EXOC6B: variants seen among roughly 807,000 people sequenced by gnomAD.
EXOC6B encodes the protein exocyst complex component 6B.
A neutral mutation model predicts 113.5 loss-of-function variants in EXOC6B; 54 were observed. That is an observed-to-expected ratio of 0.48 (90% CI 0.38 to 0.60). The LOEUF (loss-of-function observed/expected upper bound fraction) is 0.60. Among genes scored for constraint, EXOC6B ranks in the 20% least tolerant of loss-of-function variants. The probability of loss-of-function intolerance (pLI) is 0.00; values close to 1 mark genes in which losing one functional copy is unlikely to be tolerated. For missense variants in EXOC6B, 797 were observed against 977.5 expected (o/e 0.82, Z 2.46); for synonymous variants, 357 against 339.0 (o/e 1.05, Z -0.58).
intron 18 of EXOC6B, among the ~76,000 whole-genome samples, chr2:72,452,427 T>C (rs746083326): frequency 1.1e-4 from 16 of 152,164 alleles, no homozygotes; most frequent in Non-Finnish European, 1.6e-4. Context: ...TAAGATCATA[T>C]ATCCAAAGTT....
chr2:72,228,484 T>A (rs2104456122), intron 20 of EXOC6B, among the ~76,000 whole-genome samples: 1 of 147,972 alleles, frequency 6.8e-6, no homozygotes, highest in Admixed American at 6.7e-5. Context: ...GTTCTCATTG[T>A]TCAATTCCCA....
intron 6 of EXOC6B, among the ~76,000 whole-genome samples, chr2:72,658,709 G>A (rs1157314739): frequency 6.6e-6 from 1 of 151,978 alleles, no homozygotes; most frequent in African/African-American, 2.4e-5. Context: ...TACTTCTATT[G>A]AGAGTTAGTA....
intron 20 of EXOC6B, among the ~76,000 whole-genome samples, 177 bp from the exon 21 acceptor site, chr2:72,184,364 A>G (rs62150120): frequency 0.078 from 11,853 of 152,252 alleles, 645 homozygotes; most frequent in African/African-American, 0.16. Context: ...TAAGTGAGTA[A>G]ACATTAGATG....
chr2:72,285,664 C>G (rs1685383082), intron 20 of EXOC6B, among the ~76,000 whole-genome samples: 1 of 151,984 alleles, frequency 6.6e-6, no homozygotes, highest in African/African-American at 2.4e-5. Context: ...TTAAAAATTT[C>G]TGCTCTGCAA....
At chr2:72,788,032 A>C (rs995276159) in intron 1 of EXOC6B, among the ~76,000 whole-genome samples, 19 of 152,184 alleles carry the variant, frequency 1.2e-4, no homozygotes, top group Admixed American at 1.2e-3. Flanking sequence ...GGGATGAGAT[A>C]ATGCCTACCT....
chr2:72,515,531 A>G (rs1003506211), intron 8 of EXOC6B: 2 of 1,017,172 alleles, frequency 2.0e-6, no homozygotes, highest in African/African-American at 3.5e-5. Flanking sequence ...ATGAATCATG[A>G]ACAAAGGGGC....
chr2:72,485,183 T>C (rs1434597069), intron 16 of EXOC6B, among the ~76,000 whole-genome samples: 1 of 152,216 alleles, frequency 6.6e-6, no homozygotes, highest in Non-Finnish European at 1.5e-5. Flanking sequence ...CATTCTATTC[T>C]TGACAAACCC....
intron 18 of EXOC6B, among the ~76,000 whole-genome samples, chr2:72,427,203 G>A (rs929520067): frequency 6.6e-6 from 1 of 152,232 alleles, no homozygotes; most frequent in Non-Finnish European, 1.5e-5. Context: ...CGCTGGCAGG[G>A]GAACAGCATG....
At chr2:72,247,821 G>A (rs1573083056) in intron 20 of EXOC6B, among the ~76,000 whole-genome samples, 1 of 152,154 alleles carries the variant, frequency 6.6e-6, no homozygotes, top group African/African-American at 2.4e-5. Context: ...GTCCTTTAAT[G>A]CTTTGTTTTG....
chr2:72,569,415 G>T (rs1352964694), intron 7 of EXOC6B, among the ~76,000 whole-genome samples: 1 of 151,938 alleles, frequency 6.6e-6, no homozygotes, highest in African/African-American at 2.4e-5. Flanking sequence ...AATATAAGCA[G>T]TATTATATTT....
intron 18 of EXOC6B, among the ~76,000 whole-genome samples, chr2:72,395,273 T>C (rs1018759793): frequency 3.3e-5 from 5 of 152,044 alleles, no homozygotes; most frequent in Non-Finnish European, 7.4e-5. Context: ...AGGAGAAAGT[T>C]TACAAAATAC....
At chr2:72,602,081 C>T (rs1410095449) in intron 6 of EXOC6B, among the ~76,000 whole-genome samples, 1 of 152,140 alleles carries the variant, frequency 6.6e-6, no homozygotes, top group East Asian at 1.9e-4. Context: ...TAAACCTCTA[C>T]CTAATTATTT....
intron 6 of EXOC6B, among the ~76,000 whole-genome samples, chr2:72,638,519 G>A (rs773346883): frequency 6.6e-6 from 1 of 152,132 alleles, no homozygotes; most frequent in African/African-American, 2.4e-5. Flanking sequence ...TAGGCTGGAG[G>A]GACAGAAAGC....
chr2:72,707,956 G>A (rs1477057327), intron 6 of EXOC6B, among the ~76,000 whole-genome samples: 2 of 151,908 alleles, frequency 1.3e-5, no homozygotes, highest in African/African-American at 2.4e-5. Flanking sequence ...ATATTGAAAG[G>A]ATAAAAACAA....
At chr2:72,724,545 C>G (rs1178820850) in intron 5 of EXOC6B, among the ~76,000 whole-genome samples, 1 of 151,918 alleles carries the variant, frequency 6.6e-6, no homozygotes, top group Non-Finnish European at 1.5e-5. Flanking sequence ...GTTCATTAAT[C>G]AATCAAAAAT....
At chr2:72,295,726 G>T (rs1344871589) in intron 20 of EXOC6B, among the ~76,000 whole-genome samples, 1 of 152,118 alleles carries the variant, frequency 6.6e-6, no homozygotes, top group Non-Finnish European at 1.5e-5. Context: ...GCAGAGAAAA[G>T]GTGACTCTGC....
At chr2:72,217,863 T>C (rs1254699877) in intron 20 of EXOC6B, among the ~76,000 whole-genome samples, 3 of 152,226 alleles carry the variant, frequency 2.0e-5, no homozygotes, top group South Asian at 2.1e-4. Flanking sequence ...GGACCTAGCA[T>C]ATAAGCATTT....
intron 16 of EXOC6B, among the ~76,000 whole-genome samples, chr2:72,483,453 A>AT (rs1699223229): frequency 6.6e-6 from 1 of 152,198 alleles, no homozygotes; most frequent in African/African-American, 2.4e-5. Context: ...GTTTTACATG[A>AT]TATTGGCAGT....
At chr2:72,436,152 TAAG>T (rs1391806733) in intron 18 of EXOC6B, among the ~76,000 whole-genome samples, 2 of 152,342 alleles carry the variant, frequency 1.3e-5, no homozygotes, top group Admixed American at 1.3e-4. Context: ...CTCCTTCACT[TAAG>T]AAGTTTAGTT....
Sources: gnomAD v4.1 joint callset for allele counts (sites outside exome capture counted in the v4.1 genomes callset) on GRCh38, gnomAD v4.1.1 for gene constraint, MANE v1.5 for transcripts, NCBI Gene and HGNC (gene_info 2026-07-23, HGNC 2026-07-21) for gene names.